ZNF680: variants seen among roughly 807,000 people sequenced by gnomAD.
ZNF680 encodes hypothetical protein FLJ90430.
ZNF680 carries 6 observed loss-of-function variants against 12.1 expected under a neutral mutation model. The ratio of observed to expected loss-of-function variants is 0.49; its 90% CI spans 0.27 to 0.98. ZNF680 has a LOEUF of 0.98. ZNF680 is among the 50% of genes least tolerant of loss of function. The pLI is 0.12. For synonymous variants in ZNF680, 170 were observed against 199.3 expected (o/e 0.85, Z 1.24); for missense variants, 561 against 616.3 (o/e 0.91, Z 0.95).
At chr7:64,562,904 G>A in intron 1 of ZNF680, 21 bp downstream of exon 1, 1 of 1,613,448 alleles carries the variant, frequency 6.2e-7, no homozygotes, top group Non-Finnish European at 8.5e-7. Flanking sequence ...CCTCTCTCGG[G>A]GTGTCGGACC....
chr7:64,516,470 C>T (rs1791356872), downstream of ZNF680, among the ~76,000 whole-genome samples: 1 of 152,048 alleles, frequency 6.6e-6, no homozygotes, highest in Non-Finnish European at 1.5e-5. Context: ...ATTTATAAAA[C>T]AATAACTATT....
chr7:64,508,123 G>GTATATATATATA, the ZNF680 span, among the ~76,000 whole-genome samples: 611 of 117,642 alleles, frequency 5.2e-3, 33 homozygotes, highest in South Asian at 0.02. Flanking sequence ...ATTTTAAAAT[G>GTATATATATATA]TATATATATA....
the ZNF680 span, among the ~76,000 whole-genome samples, chr7:64,503,736 TTTCA>T: frequency 6.6e-6 from 1 of 152,192 alleles, no homozygotes; most frequent in Admixed American, 6.5e-5. Flanking sequence ...TTGTATCTTC[TTTCA>T]TTTTCTATCT....
At chr7:64,550,184 C>A (rs555042519) in intron 1 of ZNF680, among the ~76,000 whole-genome samples, 34 of 152,112 alleles carry the variant, frequency 2.2e-4, no homozygotes, top group Non-Finnish European at 3.8e-4. Flanking sequence ...GTTAGAAATT[C>A]TTATTTATTT....
intron 3 of ZNF680, among the ~76,000 whole-genome samples, chr7:64,528,867 G>C (rs1045048834): frequency 4.6e-5 from 7 of 152,120 alleles, no homozygotes; most frequent in African/African-American, 1.7e-4. Context: ...AGGCAAATCA[G>C]CACAATAAGA....
intron 3 of ZNF680, chr7:64,525,993 T>C: frequency 1.0e-6 from 1 of 985,056 alleles, no homozygotes; most frequent in Non-Finnish European, 1.2e-6. Flanking sequence ...CTGTCTTAAA[T>C]TTTACAGAGT....
intron 3 of ZNF680, among the ~76,000 whole-genome samples, chr7:64,540,580 G>A (rs1487903775): frequency 6.6e-6 from 1 of 152,132 alleles, no homozygotes. Flanking sequence ...TGGGATTACA[G>A]GCATGAGCCA....
intron 3 of ZNF680, among the ~76,000 whole-genome samples, chr7:64,538,758 T>C (rs1349257394): frequency 6.6e-6 from 1 of 152,220 alleles, no homozygotes; most frequent in South Asian, 2.1e-4. Context: ...ATCCCACTTA[T>C]GGATCTACAT....
intron 1 of ZNF680, among the ~76,000 whole-genome samples, chr7:64,554,297 A>C (rs1308930940): frequency 6.6e-6 from 1 of 151,386 alleles, no homozygotes; most frequent in Non-Finnish European, 1.5e-5. Context: ...GGAAGTGAGG[A>C]GCGTCTCTGA....
At position 64,521,644 on chromosome 7, in the gene ZNF680, T is replaced by C. The variant is rs1444671481; in HGVS notation, c.1110A>G (p.Lys370=). ...TGTAGGATTTCTCTCCAGTATGAAT[T>C]TTCTTATGTCTAGTAAGGTTTGCAA... ...NQFANLTRHK[K]IHTGEKSYKC... is the part of the protein sequence containing the mutation. Residue 370 remains lysine, a synonymous_variant, in exon 4 of 4, where the codon AAA becomes AAG. Coordinates refer to ENST00000309683, the MANE Select transcript of ZNF680 (RefSeq NM_178558.5). 3 of 1,612,484 alleles carry C rather than the reference T, an allele frequency of 1.9e-6. No individual in the cohort carries two copies. Among genetic ancestry groups the C allele is most frequent in the East Asian group, 4.5e-5 (2 of 44,844 alleles).
intron 3 of ZNF680, among the ~76,000 whole-genome samples, chr7:64,532,936 G>A (rs1562750010): frequency 6.6e-6 from 1 of 152,148 alleles, no homozygotes; most frequent in Non-Finnish European, 1.5e-5. Context: ...CATCTCAATA[G>A]ATGCAGAAAA....
chr7:64,527,918 A>G (rs1439957167), intron 3 of ZNF680, among the ~76,000 whole-genome samples: 1 of 152,226 alleles, frequency 6.6e-6, no homozygotes, highest in Non-Finnish European at 1.5e-5. Context: ...AATGACCCAC[A>G]GATCCTCTGA....
intron 3 of ZNF680, among the ~76,000 whole-genome samples, chr7:64,529,119 A>AT (rs1785724504): frequency 6.6e-6 from 1 of 152,210 alleles, no homozygotes; most frequent in African/African-American, 2.4e-5. Flanking sequence ...TCCACAGGAA[A>AT]AGGGTAGAAT....
At chr7:64,500,437 T>C in the ZNF680 span, among the ~76,000 whole-genome samples, 1 of 152,126 alleles carries the variant, frequency 6.6e-6, no homozygotes, top group Admixed American at 6.5e-5. Context: ...ATTTGCACAA[T>C]GGAATGCTAC....
downstream of ZNF680, among the ~76,000 whole-genome samples, chr7:64,517,209 T>C (rs577371393): frequency 4.0e-4 from 61 of 151,452 alleles, no homozygotes; most frequent in African/African-American, 1.4e-3. Context: ...ATTAGCAAGA[T>C]TAAGAAAAAA....
chr7:64,511,327 A>G, the ZNF680 span, among the ~76,000 whole-genome samples: 1 of 152,180 alleles, frequency 6.6e-6, no homozygotes, highest in Non-Finnish European at 1.5e-5. Context: ...GCTAAAGCAC[A>G]GTCTCTATGG....
At chr7:64,531,687 T>C (rs976331108) in intron 3 of ZNF680, among the ~76,000 whole-genome samples, 1 of 150,622 alleles carries the variant, frequency 6.6e-6, no homozygotes, top group Non-Finnish European at 1.5e-5. Flanking sequence ...TGCTTCTGAA[T>C]GATCATTGGG....
intron 3 of ZNF680, among the ~76,000 whole-genome samples, chr7:64,527,617 C>T (rs916948350): frequency 6.6e-6 from 1 of 151,998 alleles, no homozygotes; most frequent in Non-Finnish European, 1.5e-5. Context: ...ATCACTTGAA[C>T]CCGGGAGGCA....
the ZNF680 span, among the ~76,000 whole-genome samples, chr7:64,512,959 A>G: frequency 6.6e-6 from 1 of 152,224 alleles, no homozygotes; most frequent in Non-Finnish European, 1.5e-5. Context: ...TTCAAAATGT[A>G]AATAGGTAAT....
Sources: gnomAD v4.1 joint callset for allele counts (sites outside exome capture counted in the v4.1 genomes callset) on GRCh38, gnomAD v4.1.1 for gene constraint, MANE v1.5 for transcripts, NCBI Gene and HGNC (gene_info 2026-07-23, HGNC 2026-07-21) for gene names.